The following CPS1 variants were observed in gnomAD, a reference collection of about 807,000 sequenced individuals.
The protein encoded by CPS1 is carbamoyl-phosphate synthase 1.
Under a neutral mutation model 174.6 loss-of-function variants are expected in CPS1, and 109 were observed. The ratio of observed to expected loss-of-function variants is 0.62; its 90% CI spans 0.53 to 0.73. The LOEUF is 0.73. Ranked by LOEUF, CPS1 falls within the 30% of genes least tolerant of loss-of-function variation. The pLI, the probability that CPS1 is intolerant of heterozygous loss-of-function variation, is 0.00. For synonymous variants in CPS1, 637 were observed against 632.0 expected, an observed-to-expected ratio of 1.01 and a Z score of -0.12; for missense variants, 1,689 against 1,821.9, an observed-to-expected ratio of 0.93 and a Z score of 1.33.
At chr2:210,576,635 C>A in intron 3 of CPS1, 145 bp downstream of exon 3, 1 of 900,376 alleles carries the variant, frequency 1.1e-6, no homozygotes, top group Non-Finnish European at 1.8e-6. Flanking sequence ...TTCCTAGGTA[C>A]ATGAGAATAA....
chr2:210,561,354 T>C (rs1697093670), intron 1 of CPS1, among the ~76,000 whole-genome samples: 1 of 152,198 alleles, frequency 6.6e-6, no homozygotes, highest in South Asian at 2.1e-4. Context: ...GCTGTAGAAC[T>C]GCCCAAGGGA....
At chr2:210,647,434 T>C (rs1450390802) in intron 25 of CPS1, among the ~76,000 whole-genome samples, 1 of 152,078 alleles carries the variant, frequency 6.6e-6, no homozygotes, top group Non-Finnish European at 1.5e-5. Context: ...AGGAGCAATT[T>C]GATGAAGCAG....
At chr2:210,542,247 C>T (rs1412953016) in intron 1 of CPS1, among the ~76,000 whole-genome samples, 1 of 152,054 alleles carries the variant, frequency 6.6e-6, no homozygotes, top group Admixed American at 6.6e-5. Context: ...TGAAGAAAAC[C>T]ATGTGCATGG....
Position 210,663,124 on chromosome 2 carries a change from C to A in CPS1, c.3929C>A (p.Ala1310Asp). Residue 1310 changes from alanine to aspartate, a missense_variant and splice_region_variant, in exon 33 of 38, where the codon GCT (alanine) becomes GAT (aspartate). Coordinates refer to ENST00000233072, the MANE Select transcript of CPS1 (RefSeq NM_001875.5). ...CCCTGTTTTTTTTTTTTCCAACAGG[C>A]TCCCATGTTTTCCTGGCCCCGGTTG... ...IIPADYVAIK[A>D]PMFSWPRLRD... The A allele has an allele frequency of 6.2e-7, 1 of 1,612,392 alleles. No homozygotes were observed.
At position 210,661,903 on chromosome 2, in the gene CPS1, C is replaced by CTT. The variant is rs397987631; in HGVS notation, c.3928-1201_3928-1200dup. On this transcript the variant is annotated intron_variant, in intron 32 of 37. Coordinates refer to ENST00000233072, the MANE Select transcript of CPS1 (RefSeq NM_001875.5). Reference sequence around the variant, plus strand: ...AAAATAATATTGATGGATAGATATGCTTTTTTTTTTTTTTTTTTTTGAGAC... The same window carrying CTT: ...AAAATAATATTGATGGATAGATATGCTTTTTTTTTTTTTTTTTTTTTTGAGAC... Among the ~76,000 whole-genome samples the CTT allele has an allele frequency of 5.7e-3, 605 of 106,650 alleles. 23 individuals are homozygous for CTT. The highest frequency in any genetic ancestry group is 0.019 in the Middle Eastern group (3 of 162). 70.0% of individuals were successfully genotyped at this position (106,650 alleles called of 152,430 possible).
chr2:210,484,368 A>G (rs72932418), intron 1 of CPS1, among the ~76,000 whole-genome samples: 31,131 of 152,154 alleles, frequency 0.2, 3,723 homozygotes, highest in Middle Eastern at 0.34. Context: ...CAGTGGTCTT[A>G]GAACTTCTTA....
At chr2:210,662,994 T>G in intron 32 of CPS1, 129 bp from the exon 33 acceptor site, 1 of 910,348 alleles carries the variant, frequency 1.1e-6, no homozygotes. Context: ...CCCAAGAGAT[T>G]TTTTACATGT....
At chr2:210,659,416 C>G (rs556653662) in intron 31 of CPS1, among the ~76,000 whole-genome samples, 121 of 152,198 alleles carry the variant, frequency 8.0e-4, no homozygotes, top group African/African-American at 2.5e-3. Flanking sequence ...TTTACTCCTA[C>G]CAGACTCTGA....
At chr2:210,664,325 T>G (rs951837490) in intron 33 of CPS1, among the ~76,000 whole-genome samples, 1 of 152,028 alleles carries the variant, frequency 6.6e-6, no homozygotes, top group African/African-American at 2.4e-5. Flanking sequence ...TTCATACTGT[T>G]TTATTTTTCT....
Position 210,579,760 on chromosome 2 carries a change from T to A in CPS1, c.518T>A (p.Ile173Asn), listed in dbSNP as rs774238325. Residue 173 changes from isoleucine to asparagine, a missense_variant, in exon 5 of 38, where the codon ATT becomes AAT. Transcript: ENST00000233072. Reference sequence around the variant, plus strand: ...GACACAAGAATGCTGACTAAAATAATTCGGGATAAGGTATAATCATCATCT... The same window carrying A: ...GACACAAGAATGCTGACTAAAATAAATCGGGATAAGGTATAATCATCATCT... ...GVDTRMLTKI[I>N]RDKGTMLGKI... 6.2e-7 allele frequency: 1 copy of A among 1,612,632 alleles called. No homozygotes were observed. The highest frequency in any genetic ancestry group is 8.5e-7 in the Non-Finnish European group (1 of 1,179,414).
intron 1 of CPS1, among the ~76,000 whole-genome samples, chr2:210,567,352 A>G (rs1308982868): frequency 6.6e-6 from 1 of 152,172 alleles, no homozygotes; most frequent in East Asian, 1.9e-4. Context: ...TAAAAATATA[A>G]TAGCCTCAGT....
At position 210,639,141 on chromosome 2, in the gene CPS1, C is replaced by A; in HGVS notation, c.2830-9C>A. On this transcript the variant is annotated splice_polypyrimidine_tract_variant and intron_variant, in intron 22 of 37. Transcript: ENST00000233072. ...CTTATTTGTTTATTTTATTTGTTTT[C>A]TCTTACAGATTGATACACTGGCTGC... The A allele has an allele frequency of 6.2e-7, 1 of 1,606,414 alleles. No homozygotes were observed. The highest frequency in any genetic ancestry group is 2.2e-5 in the East Asian group (1 of 44,806).
At chr2:210,628,322 G>A (rs1163597887) in intron 21 of CPS1, among the ~76,000 whole-genome samples, 1 of 152,036 alleles carries the variant, frequency 6.6e-6, no homozygotes, top group African/African-American at 2.4e-5. Flanking sequence ...TTTCCATGTA[G>A]GTAGTAAGCC....
At chr2:210,653,874 G>T (rs866590715) in intron 28 of CPS1, 151 bp from the exon 29 acceptor site, 3 of 691,206 alleles carry the variant, frequency 4.3e-6, no homozygotes, top group Non-Finnish European at 7.9e-6. Context: ...TTACAGCACA[G>T]ATTAGGTAAT....
At chr2:210,664,442 C>T (rs1166025620) in intron 33 of CPS1, among the ~76,000 whole-genome samples, 4 of 152,010 alleles carry the variant, frequency 2.6e-5, no homozygotes, top group Admixed American at 6.6e-5. Context: ...TGGGTTCAAG[C>T]GATTCTCCTG....
chr2:210,573,237 G>A, intron 1 of CPS1, 61 bp from the exon 2 acceptor site: 2 of 1,384,708 alleles, frequency 1.4e-6, no homozygotes, highest in South Asian at 1.2e-5. Context: ...TTTACCTTTG[G>A]AATATTTTTG....
At chr2:210,608,765 A>G (rs1699013568) in intron 19 of CPS1, among the ~76,000 whole-genome samples, 1 of 151,982 alleles carries the variant, frequency 6.6e-6, no homozygotes, top group South Asian at 2.1e-4. Flanking sequence ...TACATATGTT[A>G]CATGGCCATT....
chr2:210,573,782 G>A (rs1026330491), intron 2 of CPS1, among the ~76,000 whole-genome samples: 3 of 152,028 alleles, frequency 2.0e-5, no homozygotes, highest in Admixed American at 2.0e-4. Flanking sequence ...GTATATTCTA[G>A]TGCTATTTCA....
At chr2:210,504,854 A>T (rs1305415212) in intron 1 of CPS1, among the ~76,000 whole-genome samples, 1 of 152,174 alleles carries the variant, frequency 6.6e-6, no homozygotes, top group African/African-American at 2.4e-5. Context: ...TGTGACTGGG[A>T]TCATTTAGTG....
Sources: gnomAD v4.1 joint callset for allele counts (sites outside exome capture counted in the v4.1 genomes callset) on GRCh38, gnomAD v4.1.1 for gene constraint, MANE v1.5 for transcripts, NCBI Gene and HGNC (gene_info 2026-07-23, HGNC 2026-07-21) for gene names.